The following BABAM2 variants were observed in gnomAD, a reference collection of about 807,000 sequenced individuals.
BABAM2 encodes the protein BRISC and BRCA1 A complex member 2, also known as BRISC and BRCA1-A complex member 2.
A neutral mutation model predicts 54.7 loss-of-function variants in BABAM2; 31 were observed. The observed-to-expected ratio is 0.57, with a 90% CI of 0.43 to 0.77. The LOEUF (loss-of-function observed/expected upper bound fraction) is 0.77, where lower values mean the gene tolerates loss of function less well. Among genes scored for constraint, BABAM2 ranks in the 30% least tolerant of loss-of-function variants. The pLI is 0.00. For synonymous variants in BABAM2, 167 were observed against 162.9 expected, an observed-to-expected ratio of 1.03 and a Z score of -0.19; for missense variants, 364 against 455.8, an observed-to-expected ratio of 0.80 and a Z score of 1.83.
intron 6 of BABAM2, among the ~76,000 whole-genome samples, chr2:28,128,264 A>G (rs62140450): frequency 0.22 from 34,127 of 152,250 alleles, 4,732 homozygotes; most frequent in Middle Eastern, 0.33. Flanking sequence ...TTTAACACAT[A>G]TTAAGTGTTT....
In BABAM2 at chr2:27,992,743, C is replaced by A. The variant is rs146062335; in HGVS notation, c.300+4656C>A. Among the ~76,000 whole-genome samples the A allele has an allele frequency of 3.5e-3, 531 of 152,242 alleles. 1 individual carries two copies. Among genetic ancestry groups the A allele is most frequent in the African/African-American group, 0.012 (508 of 41,552 alleles). On this transcript the variant is annotated intron_variant, in intron 4 of 11. Coordinates refer to ENST00000379624, the MANE Select transcript of BABAM2 (RefSeq NM_199191.3). ...CACCCAATTGCTTCTTTAACTTGAA[C>A]TTCTTCTCTTTTGCTCTTTTGCTCC...
At chr2:28,077,380 T>G (rs1664782724) in intron 6 of BABAM2, among the ~76,000 whole-genome samples, 1 of 152,204 alleles carries the variant, frequency 6.6e-6, no homozygotes, top group Non-Finnish European at 1.5e-5. Context: ...TAAAATTGTA[T>G]TAACTTTTGG....
intron 4 of BABAM2, among the ~76,000 whole-genome samples, chr2:27,988,742 G>A (rs1325817370): frequency 1.3e-5 from 2 of 152,188 alleles, no homozygotes; most frequent in African/African-American, 2.4e-5. Context: ...TTGCATGGTG[G>A]ATGGAGAAAA....
intron 11 of BABAM2, chr2:28,310,105 AG>A (rs1688944290): frequency 6.2e-7 from 1 of 1,614,160 alleles, no homozygotes; most frequent in African/African-American, 1.3e-5. Flanking sequence ...AGAGATGGGG[AG>A]GAATCCAGCT....
At chr2:28,015,765 T>C (rs1047934029) in intron 4 of BABAM2, 2 of 1,098,618 alleles carry the variant, frequency 1.8e-6, no homozygotes, top group African/African-American at 3.3e-5. Context: ...AGTCAGGACT[T>C]GAACTAGCAG....
At chr2:28,309,105 A>C (rs1314956824) in intron 11 of BABAM2, 2 of 152,182 alleles carry the variant, frequency 1.3e-5, no homozygotes, top group East Asian at 3.8e-4. Flanking sequence ...CTATGATCTC[A>C]CCCCTGAGGC....
chr2:28,309,290 G>A (rs562308418), intron 11 of BABAM2: 2 of 152,242 alleles, frequency 1.3e-5, no homozygotes, highest in South Asian at 2.1e-4. Flanking sequence ...GTAGTGGTGC[G>A]TCAGATCCCT....
At chr2:28,016,407 A>G in intron 4 of BABAM2, 1 of 1,409,466 alleles carries the variant, frequency 7.1e-7, no homozygotes, top group Admixed American at 1.7e-5. Context: ...TTTGGCCCTG[A>G]AGACTGGATT....
intron 7 of BABAM2, among the ~76,000 whole-genome samples, chr2:28,193,933 G>T (rs967849329): frequency 1.4e-4 from 21 of 152,288 alleles, no homozygotes; most frequent in Admixed American, 3.3e-4. Context: ...ATCTGTGGGA[G>T]GCTGTGGTGC....
intron 3 of BABAM2, among the ~76,000 whole-genome samples, chr2:27,972,430 A>C (rs1671285062): frequency 6.6e-6 from 1 of 152,222 alleles, no homozygotes; most frequent in Non-Finnish European, 1.5e-5. Context: ...GACATTTTAC[A>C]TGGAGATAGT....
intron 10 of BABAM2, among the ~76,000 whole-genome samples, chr2:28,263,064 A>G (rs1236771645): frequency 1.3e-5 from 2 of 150,210 alleles, no homozygotes; most frequent in Non-Finnish European, 3.0e-5. Context: ...AGGTGAAGCA[A>G]TTTATCTCTC....
intron 4 of BABAM2, among the ~76,000 whole-genome samples, chr2:28,011,532 GT>G (rs977956867): frequency 6.6e-6 from 1 of 152,168 alleles, no homozygotes; most frequent in African/African-American, 2.4e-5. Context: ...GAGGAAGAGG[GT>G]CTGGCAAATA....
intron 11 of BABAM2, among the ~76,000 whole-genome samples, chr2:28,319,001 T>A (rs1367227257): frequency 2.0e-5 from 3 of 152,182 alleles, no homozygotes; most frequent in African/African-American, 7.2e-5. Flanking sequence ...TGGAAAAGAT[T>A]AACTCTAAGC....
Position 27,987,976 on chromosome 2 carries a change from A to C in BABAM2, c.206-17A>C. The C allele has an allele frequency of 6.3e-7, 1 of 1,582,794 alleles. No homozygotes were observed. Among genetic ancestry groups the C allele is most frequent in the Non-Finnish European group, 8.7e-7 (1 of 1,151,824 alleles). Reference sequence around the variant, plus strand: ...AGAAAGGAAATAAAAAGGACCTGTCATTTTCTTTTATTTCAGGGGATATCA... The same window carrying C: ...AGAAAGGAAATAAAAAGGACCTGTCCTTTTCTTTTATTTCAGGGGATATCA... On this transcript the variant is annotated splice_polypyrimidine_tract_variant and intron_variant, in intron 3 of 11. Coordinates refer to ENST00000379624, the MANE Select transcript of BABAM2 (RefSeq NM_199191.3).
At chr2:28,220,183 C>T (rs7349418) in intron 7 of BABAM2, among the ~76,000 whole-genome samples, 79,403 of 151,934 alleles carry the variant, frequency 0.52, 22,021 homozygotes, top group East Asian at 0.95. Flanking sequence ...AGCGCAGCAG[C>T]GGAATGTGTG....
chr2:28,059,515 A>G (rs2148637016), intron 6 of BABAM2, among the ~76,000 whole-genome samples: 1 of 152,306 alleles, frequency 6.6e-6, no homozygotes, highest in African/African-American at 2.4e-5. Flanking sequence ...TCATGTGAGT[A>G]CTTCATGAAA....
chr2:28,092,278 C>G (rs13431542), intron 6 of BABAM2, among the ~76,000 whole-genome samples: 63 of 151,782 alleles, frequency 4.2e-4, no homozygotes, highest in Non-Finnish European at 7.7e-4. Flanking sequence ...AGTACAACTG[C>G]CTTTGTTTAC....
intron 3 of BABAM2, among the ~76,000 whole-genome samples, chr2:27,943,719 A>T (rs1669094489): frequency 6.6e-6 from 1 of 152,240 alleles, no homozygotes. Context: ...GCTGAGAGGC[A>T]TAATTTTACT....
chr2:28,261,420 C>G (rs1251407887), intron 10 of BABAM2, among the ~76,000 whole-genome samples: 1 of 151,686 alleles, frequency 6.6e-6, no homozygotes, highest in African/African-American at 2.4e-5. Flanking sequence ...AGCTCCACCT[C>G]CCGGGTTCAT....
Sources: gnomAD v4.1 joint callset for allele counts (sites outside exome capture counted in the v4.1 genomes callset) on GRCh38, gnomAD v4.1.1 for gene constraint, MANE v1.5 for transcripts, NCBI Gene and HGNC (gene_info 2026-07-23, HGNC 2026-07-21) for gene names.